SYTL2: variants seen among roughly 807,000 people sequenced by gnomAD.
The protein encoded by SYTL2 is synaptotagmin like 2.
A neutral mutation model predicts 198.7 loss-of-function variants in SYTL2; 165 were observed. The observed-to-expected ratio is 0.83, with a 90% CI of 0.73 to 0.94. The LOEUF (loss-of-function observed/expected upper bound fraction) is 0.94, where lower values mean the gene tolerates loss of function less well. Ranked by LOEUF, SYTL2 falls within the 40% of genes least tolerant of loss-of-function variation. The pLI is 0.00. For missense variants in SYTL2, 2,835 were observed against 2,582.8 expected (o/e 1.10, Z -2.12); for synonymous variants, 966 against 917.7 (o/e 1.05, Z -0.95).
chr11:85,749,772 G>C (rs111273617), intron 2 of SYTL2, among the ~76,000 whole-genome samples: 3,386 of 152,322 alleles, frequency 0.022, 137 homozygotes, highest in African/African-American at 0.077. Flanking sequence ...CTGCTGGACT[G>C]TTGGTGAACC....
rs144385104 is a variant in SYTL2 at position 85,727,250 on chromosome 11, T to G, written c.2108A>C (p.His703Pro). The G allele has an allele frequency of 1.2e-5, 18 of 1,535,486 alleles. No homozygotes were observed. Among genetic ancestry groups the G allele is most frequent in the Non-Finnish European group, 1.6e-5 (18 of 1,146,804 alleles). ...TTCTGAGTGTCCTCTATTTTCTTCA[T>G]GAGCATGAAACTTGGGTTCTTCTTC... is the stretch of plus-strand genomic sequence containing the variant. The part of the protein sequence containing the change: ...LGEEEPKFHA[H>P]EENRGHSEVN... Residue 703 changes from histidine (H) to proline (P), a missense_variant, in exon 8 of 20, where the codon CAT becomes CCT. Physicochemically the swap from His to Pro is moderately conservative, Grantham distance 77. This residue lies in a region of SYTL2 where 2,645 missense variants were observed against 2,381.7 expected (regional missense o/e 1.11). Coordinates refer to ENST00000359152, the MANE Select transcript of SYTL2 (RefSeq NM_206927.4).
chr11:85,724,332 T>C lies in SYTL2; in HGVS notation c.5026A>G (p.Ile1676Val), dbSNP rs769578083. ...QLYVAHEIGT[I>V]KTVTPPEDRD... Reference sequence around the variant, plus strand: ...TCCTCTGGGGGGGTTACAGTTTTAATGGTCCCTATTTCATGAGCCACATAA... The same window carrying C: ...TCCTCTGGGGGGGTTACAGTTTTAACGGTCCCTATTTCATGAGCCACATAA... Residue 1676 changes from isoleucine (I) to valine (V), a missense_variant, in exon 8 of 20, where the codon ATT (isoleucine) becomes GTT (valine). Transcript: ENST00000359152. 2 of 1,582,514 alleles carry C rather than the reference T, an allele frequency of 1.3e-6. No homozygotes were observed. The highest frequency in any genetic ancestry group is 4.5e-5 in the East Asian group (2 of 44,786).
intron 1 of SYTL2, among the ~76,000 whole-genome samples, chr11:85,783,367 A>C (rs985566135): frequency 1.3e-5 from 2 of 152,162 alleles, no homozygotes; most frequent in Non-Finnish European, 2.9e-5. Flanking sequence ...ATTACCTCCC[A>C]TCAAGTCCCT....
At chr11:85,760,347 T>C (rs1417775808) in intron 1 of SYTL2, among the ~76,000 whole-genome samples, 1 of 152,234 alleles carries the variant, frequency 6.6e-6, no homozygotes, top group Middle Eastern at 3.2e-3. Context: ...ATACAAACAC[T>C]TTCTCCTCCA....
intron 13 of SYTL2, 101 bp downstream of exon 13, chr11:85,711,012 T>A: frequency 7.6e-7 from 1 of 1,311,226 alleles, no homozygotes; most frequent in African/African-American, 1.5e-5. Context: ...GTTTGTGCCC[T>A]GAGAAATACA....
At chr11:85,819,036 A>T in the SYTL2 span, among the ~76,000 whole-genome samples, 1 of 152,184 alleles carries the variant, frequency 6.6e-6, no homozygotes, top group Non-Finnish European at 1.5e-5. Flanking sequence ...CTTCAGCTCA[A>T]AATCCCAGGT....
the SYTL2 span, among the ~76,000 whole-genome samples, chr11:85,826,714 C>T: frequency 4.6e-5 from 7 of 152,312 alleles, no homozygotes; most frequent in South Asian, 1.0e-3. Flanking sequence ...TACCCATGCT[C>T]GTTTAACTCC....
chr11:85,749,326 A>G (rs1431203386), intron 2 of SYTL2, among the ~76,000 whole-genome samples: 1 of 152,222 alleles, frequency 6.6e-6, no homozygotes, highest in East Asian at 1.9e-4. Flanking sequence ...AGGGAACACT[A>G]TACTCTTGGA....
chr11:85,833,336 A>G, the SYTL2 span, among the ~76,000 whole-genome samples: 2 of 148,198 alleles, frequency 1.3e-5, no homozygotes, highest in South Asian at 4.2e-4. Flanking sequence ...TATATCATAT[A>G]TATCATATAT....
chr11:85,699,526 C>G (rs868319374), intron 17 of SYTL2, among the ~76,000 whole-genome samples: 1 of 152,160 alleles, frequency 6.6e-6, no homozygotes, highest in African/African-American at 2.4e-5. Context: ...TGACAGCAAT[C>G]CAGCCTGAAA....
chr11:85,769,576 G>A (rs932958948), intron 1 of SYTL2, among the ~76,000 whole-genome samples: 2 of 152,218 alleles, frequency 1.3e-5, no homozygotes, highest in Non-Finnish European at 2.9e-5. Context: ...AAGCCCCTAA[G>A]TTCATCACAG....
In SYTL2 at chr11:85,696,121, A is replaced by C. The variant is rs1048838533; in HGVS notation, c.6574+62T>G. On this transcript the variant is annotated intron_variant, in intron 19 of 19. Coordinates refer to ENST00000359152, the MANE Select transcript of SYTL2 (RefSeq NM_206927.4). Reference sequence around the variant, plus strand: ...ACTGGGAAGAAGCAAAGCAACAAACAAACCTCTAGTATCTCTAGAAAAATT... The same window carrying C: ...ACTGGGAAGAAGCAAAGCAACAAACCAACCTCTAGTATCTCTAGAAAAATT... 3.6e-6 allele frequency: 5 copies of C among 1,394,290 alleles called. No individual in the cohort carries two copies. In the Admixed American group the frequency reaches 6.9e-5, roughly 19 times the overall value. The allele number at this position is 1,394,290 out of a possible 1,614,324, so 86.4% of individuals were successfully genotyped here.
the SYTL2 span, among the ~76,000 whole-genome samples, chr11:85,850,863 C>A: frequency 6.0e-5 from 9 of 149,726 alleles, no homozygotes; most frequent in African/African-American, 9.8e-5. Flanking sequence ...ATGATGAGTT[C>A]ATGTCCTTTG....
At chr11:85,811,867 G>A (rs940301859), upstream of SYTL2, among the ~76,000 whole-genome samples, 2 of 152,146 alleles carry the variant, frequency 1.3e-5, no homozygotes, top group Admixed American at 6.5e-5. Context: ...ATGGGAGGCC[G>A]AGGCAGGTGG....
At chr11:85,739,258 T>C (rs921422172) in intron 4 of SYTL2, among the ~76,000 whole-genome samples, 3 of 151,168 alleles carry the variant, frequency 2.0e-5, no homozygotes, top group Middle Eastern at 3.2e-3. Context: ...GCTGGCTTTT[T>C]TTTTTTTTTT....
intron 2 of SYTL2, 53 bp downstream of exon 2, chr11:85,757,572 C>T (rs752397854): frequency 6.1e-5 from 98 of 1,595,538 alleles, no homozygotes; most frequent in Admixed American, 1.5e-4. Context: ...GTCCTATTTT[C>T]GTACAGACTG....
the SYTL2 span, among the ~76,000 whole-genome samples, chr11:85,832,258 G>A: frequency 2.0e-5 from 3 of 152,148 alleles, no homozygotes; most frequent in Non-Finnish European, 4.4e-5. Flanking sequence ...ACAACCATAT[G>A]AGGTGGGTAT....
chr11:85,738,459 AG>A (rs1254162463), intron 4 of SYTL2, among the ~76,000 whole-genome samples: 1 of 152,130 alleles, frequency 6.6e-6, no homozygotes, highest in African/African-American at 2.4e-5. Context: ...GGGAAAGGGG[AG>A]GGAACAGAAT....
At chr11:85,819,083 G>A in the SYTL2 span, among the ~76,000 whole-genome samples, 1 of 152,102 alleles carries the variant, frequency 6.6e-6, no homozygotes, top group Admixed American at 6.6e-5. Flanking sequence ...GTCACTCTCT[G>A]AAGATCAGCA....
Sources: allele counts gnomAD v4.1 joint callset (sites outside exome capture counted in the v4.1 genomes callset), GRCh38; gene constraint gnomAD v4.1.1; regional missense constraint gnomAD v4.1.1; transcripts MANE v1.5; gene names NCBI Gene and HGNC (gene_info 2026-07-23, HGNC 2026-07-21).